ITGA8: variants seen among roughly 807,000 people sequenced by gnomAD.
ITGA8 encodes the protein integrin subunit alpha 8, also known as integrin alpha-8.
A neutral mutation model predicts 142.3 loss-of-function variants in ITGA8; 91 were observed. That is an observed-to-expected ratio of 0.64 (90% CI 0.54 to 0.76). The LOEUF (loss-of-function observed/expected upper bound fraction) is 0.76. Among genes scored for constraint, ITGA8 ranks in the 30% least tolerant of loss-of-function variants. The pLI is 0.00. For synonymous variants in ITGA8, 505 were observed against 485.2 expected, an observed-to-expected ratio of 1.04 and a Z score of -0.54; for missense variants, 1,406 against 1,327.7, an observed-to-expected ratio of 1.06 and a Z score of -0.92.
chr10:15,581,237 C>T (rs996811316), intron 23 of ITGA8, among the ~76,000 whole-genome samples: 1 of 152,168 alleles, frequency 6.6e-6, no homozygotes, highest in Non-Finnish European at 1.5e-5. Context: ...ATCAATCATG[C>T]CTATGTCATA....
intron 13 of ITGA8, among the ~76,000 whole-genome samples, chr10:15,638,952 C>T (rs187736779): frequency 3.8e-4 from 57 of 151,964 alleles, no homozygotes; most frequent in Admixed American, 1.9e-3. Context: ...CATAGTGAGA[C>T]CCTGTCTCTA....
chr10:15,556,986 T>G (rs535101266), intron 26 of ITGA8, among the ~76,000 whole-genome samples: 1 of 152,334 alleles, frequency 6.6e-6, no homozygotes, highest in Admixed American at 6.5e-5. Context: ...ACATTCACTT[T>G]GAGCCCTTGC....
intron 8 of ITGA8, among the ~76,000 whole-genome samples, chr10:15,665,635 T>C (rs931820390): frequency 6.6e-6 from 1 of 152,152 alleles, no homozygotes; most frequent in Admixed American, 6.5e-5. Flanking sequence ...TCTTCTAGGG[T>C]TTTTATGGTT....
At chr10:15,572,871 G>A (rs1185561654) in intron 24 of ITGA8, among the ~76,000 whole-genome samples, 10 of 152,084 alleles carry the variant, frequency 6.6e-5, no homozygotes, top group Non-Finnish European at 1.5e-4. Context: ...AGTTCATTTC[G>A]AGTGCGTGTT....
intron 11 of ITGA8, among the ~76,000 whole-genome samples, chr10:15,648,553 CAT>C (rs1392623262): frequency 5.3e-5 from 8 of 151,046 alleles, no homozygotes; most frequent in Non-Finnish European, 8.9e-5. Flanking sequence ...ATAACAATAA[CAT>C]AAAATCAATA....
At chr10:15,568,839 A>T (rs1472778531) in intron 25 of ITGA8, among the ~76,000 whole-genome samples, 1 of 152,216 alleles carries the variant, frequency 6.6e-6, no homozygotes, top group African/African-American at 2.4e-5. Flanking sequence ...TGTTAAGTAC[A>T]TTACATTCAG....
intron 23 of ITGA8, among the ~76,000 whole-genome samples, chr10:15,586,049 ATTTTTTTT>A (rs59435924): frequency 1.3e-4 from 10 of 76,816 alleles, no homozygotes; most frequent in South Asian, 4.7e-4. Flanking sequence ...GAATAAAGTG[ATTTTTTTT>A]TTTTTTTTTT....
In ITGA8 at chr10:15,718,952, T is replaced by C. The variant is rs1835505784; in HGVS notation, c.210-53A>G. The C allele has an allele frequency of 4.3e-6, 7 of 1,612,560 alleles. No homozygotes were observed. In the Admixed American group the frequency reaches 1.2e-4, roughly 27 times the overall value. ...TTTGGGCGCCACAAAACCGTGCGCA[T>C]GCAATGCAGTCTCTGTAACCTCCTG... On this transcript the variant is annotated intron_variant, in intron 1 of 29. Transcript: ENST00000378076.
intron 28 of ITGA8, among the ~76,000 whole-genome samples, chr10:15,522,012 C>T (rs1833081951): frequency 1.3e-5 from 2 of 152,104 alleles, no homozygotes; most frequent in South Asian, 4.1e-4. Flanking sequence ...AGAAGGGATA[C>T]ATTCTAGTGT....
At chr10:15,613,638 G>A (rs1020752092) in intron 15 of ITGA8, 22 bp downstream of exon 15, 5 of 1,480,544 alleles carry the variant, frequency 3.4e-6, no homozygotes, top group Middle Eastern at 3.4e-4. Flanking sequence ...ATTGGAGTTT[G>A]AGAAGCACCG....
At chr10:15,652,959 G>C (rs1419218599) in intron 11 of ITGA8, among the ~76,000 whole-genome samples, 2 of 152,228 alleles carry the variant, frequency 1.3e-5, no homozygotes, top group Non-Finnish European at 2.9e-5. Flanking sequence ...TGGCTCACAG[G>C]ACGTTGTAGC....
At chr10:15,545,624 T>C (rs1213162820) in intron 27 of ITGA8, among the ~76,000 whole-genome samples, 1 of 152,210 alleles carries the variant, frequency 6.6e-6, no homozygotes, top group African/African-American at 2.4e-5. Context: ...TCTCCTGAAT[T>C]TGTACTTTCA....
chr10:15,611,424 G>C (rs1833290970), intron 15 of ITGA8: 1 of 151,754 alleles, frequency 6.6e-6, no homozygotes. Context: ...GTAAGAAAAT[G>C]GCTCATGAAA....
intron 13 of ITGA8, among the ~76,000 whole-genome samples, chr10:15,631,190 A>C (rs539363393): frequency 6.6e-6 from 1 of 152,110 alleles, no homozygotes; most frequent in East Asian, 1.9e-4. Flanking sequence ...CAGAAATACC[A>C]TTTGAGCCAG....
At chr10:15,686,627 T>C (rs2131706601) in intron 3 of ITGA8, among the ~76,000 whole-genome samples, 1 of 152,312 alleles carries the variant, frequency 6.6e-6, no homozygotes, top group African/African-American at 2.4e-5. Flanking sequence ...TATACAAAAA[T>C]GATACTTCTG....
At chr10:15,569,906 T>A (rs556573739) in intron 25 of ITGA8, among the ~76,000 whole-genome samples, 2 of 152,246 alleles carry the variant, frequency 1.3e-5, no homozygotes, top group Admixed American at 1.3e-4. Context: ...TAAATTGCCA[T>A]GTAAGTTAAT....
intron 28 of ITGA8, among the ~76,000 whole-genome samples, chr10:15,521,221 A>G (rs1833062811): frequency 6.6e-6 from 1 of 151,150 alleles, no homozygotes; most frequent in South Asian, 2.1e-4. Context: ...ACCTGGTTTC[A>G]CCATTCTGGC....
chr10:15,539,881 T>C (rs1216462594), intron 27 of ITGA8, among the ~76,000 whole-genome samples: 2 of 152,232 alleles, frequency 1.3e-5, no homozygotes, highest in African/African-American at 2.4e-5. Flanking sequence ...TGGGGCCGGG[T>C]GGAGATAATT....
chr10:15,687,528 C>T (rs918310714), intron 3 of ITGA8, among the ~76,000 whole-genome samples: 2 of 152,128 alleles, frequency 1.3e-5, no homozygotes, highest in Non-Finnish European at 2.9e-5. Context: ...TGAAAGACAG[C>T]TTTCCTTTCG....
Sources: allele counts gnomAD v4.1 joint callset (sites outside exome capture counted in the v4.1 genomes callset), GRCh38; gene constraint gnomAD v4.1.1; transcripts MANE v1.5; gene names NCBI Gene and HGNC (gene_info 2026-07-23, HGNC 2026-07-21).